Variants in SNX29 observed in about 807,000 individuals in gnomAD.
SNX29 encodes sorting nexin-29.
In SNX29, 78 loss-of-function variants were observed where a neutral mutation model predicts 102.1. The ratio of observed to expected loss-of-function variants is 0.76; its 90% CI spans 0.64 to 0.92. The LOEUF is 0.92. Among genes scored for constraint, SNX29 ranks in the 40% least tolerant of loss-of-function variants. SNX29 has a pLI of 0.00. For synonymous variants in SNX29, 580 were observed against 414.5 expected, an observed-to-expected ratio of 1.40 and a Z score of -4.85; for missense variants, 1,280 against 1,061.7, an observed-to-expected ratio of 1.21 and a Z score of -2.86.
chr16:12,536,660 A>G lies in SNX29; in HGVS notation c.2318+11819A>G, dbSNP rs117927850. 3.9e-3 allele frequency among the ~76,000 whole-genome samples: 596 copies of G among 152,266 alleles called. 2 individuals carry two copies. The highest frequency in any genetic ancestry group is 6.7e-3 in the Non-Finnish European group (457 of 68,024). ...TACAGCTAATTTCTGGGTTCCTTAG[A>G]TCCAGGGAAGAGCTGGTATTAAGAG... On this transcript the variant is annotated intron_variant, in intron 20 of 20. Transcript: ENST00000566228.
intron 18 of SNX29, among the ~76,000 whole-genome samples, chr16:12,421,374 G>T (rs58633298): frequency 0.035 from 5,259 of 152,274 alleles, 179 homozygotes; most frequent in African/African-American, 0.079. Flanking sequence ...TCTCAAAGGA[G>T]GTTTGGAGAC....
At chr16:12,019,220 T>C (rs1370871876) in intron 3 of SNX29, among the ~76,000 whole-genome samples, 1 of 152,178 alleles carries the variant, frequency 6.6e-6, no homozygotes, top group Non-Finnish European at 1.5e-5. Context: ...TGCTTTTTGT[T>C]TTTTTGCGAT....
rs371268868 is a variant in SNX29, at chr16:12,307,373, A to G, written c.1782+29337A>G. 1.3e-4 allele frequency among the ~76,000 whole-genome samples: 20 copies of G among 152,344 alleles called. No homozygotes were observed. In the East Asian group the frequency reaches 3.9e-3, roughly 29 times the overall value. On this transcript the variant is annotated intron_variant, in intron 15 of 20. Coordinates refer to ENST00000566228, the MANE Select transcript of SNX29 (RefSeq NM_032167.5). ...CACAGAGAGAACTGTATCCTCCAGT[A>G]TAAAATGAGAAATGCAATTCCTGTC...
chr16:12,359,136 C>G (rs1014242152), intron 16 of SNX29, among the ~76,000 whole-genome samples: 3 of 152,146 alleles, frequency 2.0e-5, no homozygotes, highest in African/African-American at 4.8e-5. Flanking sequence ...GGGACTGAGC[C>G]TCACCCTGTG....
At chr16:12,240,174 G>A (rs552588284) in intron 14 of SNX29, among the ~76,000 whole-genome samples, 1 of 152,178 alleles carries the variant, frequency 6.6e-6, no homozygotes, top group Non-Finnish European at 1.5e-5. Flanking sequence ...TACTGCCATG[G>A]TGATCTTTAT....
chr16:12,572,936 G>A lies in SNX29; in HGVS notation c.*4307G>A, dbSNP rs2079218896. ...AGACTTGGAGTGTTTCTTCAAGGCA[G>A]GCATCTGCTTATGAGCAAGGTCAAA... On this transcript the variant is annotated 3_prime_UTR_variant, in exon 21 of 21. Coordinates refer to ENST00000566228, the MANE Select transcript of SNX29 (RefSeq NM_032167.5). 2 of 833,716 alleles carry A rather than the reference G, an allele frequency of 2.4e-6. No individual in the cohort carries two copies. Among genetic ancestry groups the A allele is most frequent in the African/African-American group, 1.8e-5 (1 of 56,024 alleles). The allele number at this position is 833,716 out of a possible 1,614,324, so 51.6% of individuals were successfully genotyped here.
At chr16:12,275,041 C>G (rs1305133664) in intron 14 of SNX29, among the ~76,000 whole-genome samples, 1 of 152,148 alleles carries the variant, frequency 6.6e-6, no homozygotes, top group Non-Finnish European at 1.5e-5. Flanking sequence ...CTGTCTCAGT[C>G]TTTCATCTTA....
chr16:12,352,493 G>A (rs1243763561), intron 15 of SNX29, among the ~76,000 whole-genome samples: 5 of 152,004 alleles, frequency 3.3e-5, no homozygotes, highest in Admixed American at 6.6e-5. Context: ...TTGTGCACAC[G>A]TACCCTAAAA....
chr16:12,135,510 A>T, intron 13 of SNX29: 1 of 1,317,740 alleles, frequency 7.6e-7, no homozygotes, highest in Non-Finnish European at 9.9e-7. Flanking sequence ...CATTCTTGAG[A>T]GGATGGTGCC....
intron 18 of SNX29, among the ~76,000 whole-genome samples, chr16:12,413,856 G>A (rs149566768): frequency 6.6e-6 from 1 of 151,284 alleles, no homozygotes; most frequent in Non-Finnish European, 1.5e-5. Flanking sequence ...TAAATGAGGC[G>A]GGATGTAAAT....
intron 15 of SNX29, among the ~76,000 whole-genome samples, chr16:12,328,952 T>C (rs867417235): frequency 6.6e-6 from 1 of 151,984 alleles, no homozygotes; most frequent in African/African-American, 2.4e-5. Context: ...GCTTCATCCT[T>C]GGTGGGCTTT....
intron 4 of SNX29, among the ~76,000 whole-genome samples, chr16:12,039,832 C>T (rs568565547): frequency 3.3e-5 from 5 of 152,250 alleles, no homozygotes; most frequent in Non-Finnish European, 5.9e-5. Flanking sequence ...TGTTGCTGGG[C>T]GAGTCGCTTC....
intron 13 of SNX29, among the ~76,000 whole-genome samples, chr16:12,181,671 G>C (rs1596449691): frequency 6.8e-6 from 1 of 147,898 alleles, no homozygotes. Flanking sequence ...CGGTGATTTG[G>C]GGGCCTGTTG....
chr16:12,439,614 A>G (rs531292578), intron 18 of SNX29, among the ~76,000 whole-genome samples: 7 of 152,296 alleles, frequency 4.6e-5, no homozygotes, highest in East Asian at 3.9e-4. Context: ...CGAGAACAGT[A>G]TAGGGGAAAT....
At chr16:12,100,083 T>C (rs1006481723) in intron 11 of SNX29, among the ~76,000 whole-genome samples, 1 of 152,150 alleles carries the variant, frequency 6.6e-6, no homozygotes, top group African/African-American at 2.4e-5. Context: ...TAGGGAGTCC[T>C]TGGTGGGAGA....
At chr16:12,120,579 C>A (rs1025221852) in intron 11 of SNX29, among the ~76,000 whole-genome samples, 1 of 152,294 alleles carries the variant, frequency 6.6e-6, no homozygotes, top group African/African-American at 2.4e-5. Context: ...TCACCCCTCC[C>A]TTGGTGTCAC....
At chr16:12,175,489 A>G (rs1019254618) in intron 13 of SNX29, among the ~76,000 whole-genome samples, 1 of 151,990 alleles carries the variant, frequency 6.6e-6, no homozygotes, top group Admixed American at 6.6e-5. Flanking sequence ...CAAACAAACA[A>G]ACAAACAAAA....
chr16:12,235,534 G>A (rs975807361), intron 14 of SNX29, among the ~76,000 whole-genome samples: 7 of 151,810 alleles, frequency 4.6e-5, no homozygotes, highest in African/African-American at 1.7e-4. Flanking sequence ...CACTATTTCT[G>A]CCTTTCCATT....
In SNX29 at chr16:12,493,366, G is replaced by A. The variant is rs949195499; in HGVS notation, c.2178+15507G>A. Among the ~76,000 whole-genome samples, 4 of 152,272 alleles carry A rather than the reference G, an allele frequency of 2.6e-5. No individual in the cohort carries two copies. The South Asian group carries it at 8.3e-4, about 32-fold the overall frequency. ...GTTATTGGTATATAAGAATGCTTGT[G>A]ATTTTTGCACATTGATTTTGTATCC... On this transcript the variant is annotated intron_variant, in intron 19 of 20. Coordinates refer to ENST00000566228, the MANE Select transcript of SNX29 (RefSeq NM_032167.5).
Sources: allele counts gnomAD v4.1 joint callset (sites outside exome capture counted in the v4.1 genomes callset), GRCh38; gene constraint gnomAD v4.1.1; transcripts MANE v1.5; gene names NCBI Gene and HGNC (gene_info 2026-07-23, HGNC 2026-07-21).